FBXW8: variants seen among roughly 807,000 people sequenced by gnomAD.
FBXW8 encodes the protein F-box/WD repeat-containing protein 8.
FBXW8 carries 57 observed loss-of-function variants against 65.3 expected under a neutral mutation model. The observed-to-expected ratio is 0.87, with a 90% CI of 0.71 to 1.09. The LOEUF is 1.09. Among genes scored for constraint, FBXW8 ranks in the 50% least tolerant of loss-of-function variants. The pLI is 0.00. For missense variants in FBXW8, 777 were observed against 814.8 expected, an observed-to-expected ratio of 0.95 and a Z score of 0.57; for synonymous variants, 308 against 330.2, an observed-to-expected ratio of 0.93 and a Z score of 0.73.
intron 7 of FBXW8, 124 bp from the exon 8 acceptor site, chr12:117,010,199 G>A: frequency 7.0e-7 from 1 of 1,418,602 alleles, no homozygotes; most frequent in Admixed American, 1.9e-5. Context: ...GAAATTAAGT[G>A]GCAGAACATC....
At chr12:117,022,919 T>C (rs891366269) in intron 8 of FBXW8, among the ~76,000 whole-genome samples, 2 of 152,194 alleles carry the variant, frequency 1.3e-5, no homozygotes, top group African/African-American at 4.8e-5. Flanking sequence ...ATAGGAAGGT[T>C]TGTCCTGTGT....
intron 1 of FBXW8, among the ~76,000 whole-genome samples, chr12:116,918,842 G>T (rs998390191): frequency 4.6e-5 from 7 of 152,158 alleles, no homozygotes; most frequent in Non-Finnish European, 8.8e-5. Context: ...TCCATTTTAG[G>T]TGGGTGTGTG....
chr12:117,005,704 G>A (rs1011401856), intron 7 of FBXW8, among the ~76,000 whole-genome samples: 1 of 152,244 alleles, frequency 6.6e-6, no homozygotes, highest in African/African-American at 2.4e-5. Flanking sequence ...GGACATCATG[G>A]AGAAGAGAGC....
intron 4 of FBXW8, among the ~76,000 whole-genome samples, chr12:116,959,424 C>T (rs1410827715): frequency 3.3e-5 from 5 of 152,310 alleles, no homozygotes; most frequent in South Asian, 2.1e-4. Flanking sequence ...TTGATCCCAG[C>T]TGTGCCACTA....
intron 4 of FBXW8, among the ~76,000 whole-genome samples, chr12:116,953,713 C>CA (rs1251990201): frequency 2.0e-5 from 3 of 151,516 alleles, no homozygotes; most frequent in Non-Finnish European, 2.9e-5. Flanking sequence ...GTGGAGCTTG[C>CA]AGTGAGCCAA....
intron 1 of FBXW8, among the ~76,000 whole-genome samples, chr12:116,912,262 A>G (rs1178476082): frequency 7.1e-6 from 1 of 140,250 alleles, no homozygotes; most frequent in African/African-American, 2.7e-5. Context: ...CTCCCGGCCC[A>G]CTGCAGCCTC....
At chr12:116,923,887 A>AT (rs1179016913) in intron 1 of FBXW8, among the ~76,000 whole-genome samples, 13 of 152,076 alleles carry the variant, frequency 8.5e-5, no homozygotes, top group African/African-American at 1.9e-4. Flanking sequence ...GGCCCGGCTA[A>AT]TTTTTTTATT....
intron 8 of FBXW8, among the ~76,000 whole-genome samples, chr12:117,021,489 A>G (rs910083285): frequency 1.3e-5 from 2 of 152,054 alleles, no homozygotes; most frequent in African/African-American, 4.8e-5. Flanking sequence ...TCCTCCTTTG[A>G]ATATGTTTTA....
intron 1 of FBXW8, among the ~76,000 whole-genome samples, chr12:116,922,160 A>C (rs1880961011): frequency 6.6e-6 from 1 of 152,194 alleles, no homozygotes; most frequent in African/African-American, 2.4e-5. Context: ...TTTGTATATA[A>C]GAATATATAT....
In FBXW8 at chr12:116,911,372, T is replaced by TGCC; in HGVS notation, c.318+17_318+18insGCC. On this transcript the variant is annotated intron_variant, in intron 1 of 10. Coordinates refer to ENST00000652555, the MANE Select transcript of FBXW8 (RefSeq NM_153348.3). ...CGCGACCTGGTGAGTGGCCGTCGCC[T>TGCC]CCCCCCCGCCCATGCCTGCGCCGGC... 3 of 1,237,200 alleles carry TGCC rather than the reference T, an allele frequency of 2.4e-6. No individual in the cohort carries two copies. Among genetic ancestry groups the TGCC allele is most frequent in the Non-Finnish European group, 3.0e-6 (3 of 988,476 alleles). The allele number at this position is 1,237,200 out of a possible 1,614,324, so 76.6% of individuals were successfully genotyped here. A position where few individuals can be genotyped will look rare whatever the true frequency, so the allele number is the denominator to read the frequency against.
intron 5 of FBXW8, among the ~76,000 whole-genome samples, chr12:116,983,247 C>G (rs1391344890): frequency 6.6e-6 from 1 of 152,186 alleles, no homozygotes; most frequent in Non-Finnish European, 1.5e-5. Context: ...AGCCGATCTC[C>G]CATCTGATAT....
chr12:116,945,600 A>C lies in FBXW8; in HGVS notation c.588+72A>C, dbSNP rs1267425123. 3.4e-6 allele frequency: 5 copies of C among 1,463,792 alleles called. No individual in the cohort carries two copies. In the East Asian group the frequency reaches 1.2e-4, roughly 34 times the overall value. 90.7% of individuals were successfully genotyped at this position (1,463,792 alleles called of 1,614,324 possible). ...GACATGGGAATCCAAGCTTTCACTC[A>C]TAGCCTGAGATTAATTGCCAACAGC... On this transcript the variant is annotated intron_variant, in intron 3 of 10. Coordinates refer to ENST00000652555, the MANE Select transcript of FBXW8 (RefSeq NM_153348.3).
At chr12:116,997,584 G>A (rs1312672315) in intron 7 of FBXW8, among the ~76,000 whole-genome samples, 1 of 152,138 alleles carries the variant, frequency 6.6e-6, no homozygotes, top group African/African-American at 2.4e-5. Flanking sequence ...CCCAGCTTTG[G>A]GGTCAGGTTG....
At chr12:117,009,492 T>C (rs1953753942) in intron 7 of FBXW8, among the ~76,000 whole-genome samples, 1 of 152,126 alleles carries the variant, frequency 6.6e-6, no homozygotes, top group Non-Finnish European at 1.5e-5. Flanking sequence ...CTTGGTGTGT[T>C]TGTGTGTGTG....
intron 8 of FBXW8, among the ~76,000 whole-genome samples, chr12:117,022,355 T>TA (rs5801209): frequency 0.04 from 5,528 of 138,934 alleles, 130 homozygotes; most frequent in South Asian, 0.12. Flanking sequence ...AAGAAACTAT[T>TA]AAAAAAAAAA....
At chr12:116,971,493 A>G (rs373834062) in intron 5 of FBXW8, among the ~76,000 whole-genome samples, 27 of 152,166 alleles carry the variant, frequency 1.8e-4, no homozygotes, top group African/African-American at 5.6e-4. Context: ...GACAGGCCAC[A>G]GAGACTGTAT....
rs1027110658 is a variant in FBXW8 at position 116,961,740 on chromosome 12, G to A, written c.678-2957G>A. ...CACAGACATGCACCACTGCCATGACGGAGACGTCCAGGCTGCCGTGAAGGT... is the reference window on the plus strand; with the variant it reads ...CACAGACATGCACCACTGCCATGACAGAGACGTCCAGGCTGCCGTGAAGGT... On this transcript the variant is annotated intron_variant, in intron 4 of 10. Coordinates refer to ENST00000652555, the MANE Select transcript of FBXW8 (RefSeq NM_153348.3). The surrounding 1 kb of genome is among the most constrained non-coding windows in gnomAD (Gnocchi z 4.4). Among the ~76,000 whole-genome samples the A allele has an allele frequency of 4.6e-5, 7 of 152,188 alleles. No individual in the cohort carries two copies. The highest frequency in any genetic ancestry group is 7.2e-5 in the African/African-American group (3 of 41,428).
intron 7 of FBXW8, among the ~76,000 whole-genome samples, chr12:117,008,214 C>T (rs913689653): frequency 1.3e-5 from 2 of 152,324 alleles, no homozygotes; most frequent in Admixed American, 6.5e-5. Context: ...AAAGGCCTTA[C>T]CTTCCTGCTG....
intron 8 of FBXW8, among the ~76,000 whole-genome samples, chr12:117,019,881 A>ATCTT (rs1313361531): frequency 1.3e-5 from 2 of 152,168 alleles, no homozygotes; most frequent in Non-Finnish European, 2.9e-5. Flanking sequence ...CCAGAATTTG[A>ATCTT]TCTTTAAAAT....
Sources: allele counts gnomAD v4.1 joint callset (sites outside exome capture counted in the v4.1 genomes callset), GRCh38; gene constraint gnomAD v4.1.1; non-coding constraint Gnocchi (gnomAD v3.1); transcripts MANE v1.5; gene names NCBI Gene and HGNC (gene_info 2026-07-23, HGNC 2026-07-21).